The following PRKN variants were observed in gnomAD, a reference collection of about 807,000 sequenced individuals.
PRKN encodes parkin RBR E3 ubiquitin protein ligase, also known as E3 ubiquitin-protein ligase parkin.
Under a neutral mutation model 59.5 loss-of-function variants are expected in PRKN, and 56 were observed. The observed-to-expected ratio is 0.94, with a 90% confidence interval of 0.76 to 1.18. The LOEUF is 1.18. Among genes scored for constraint, PRKN ranks in the 50% most tolerant of loss-of-function variants. The pLI is 0.00. For missense variants in PRKN, 657 were observed against 596.4 expected (o/e 1.10, Z -1.06); for synonymous variants, 250 against 222.1 (o/e 1.13, Z -1.12).
chr6:161,669,891 G>A (rs1784848902), intron 7 of PRKN, among the ~76,000 whole-genome samples: 1 of 152,216 alleles, frequency 6.6e-6, no homozygotes, highest in Admixed American at 6.5e-5. Flanking sequence ...GGGGTCACGT[G>A]AGCCCAGCCT....
chr6:162,702,773 G>A (rs1396172157), intron 1 of PRKN, among the ~76,000 whole-genome samples: 2 of 152,084 alleles, frequency 1.3e-5, no homozygotes, highest in Non-Finnish European at 2.9e-5. Flanking sequence ...AGCACTTTTT[G>A]AAATGACAAG....
intron 4 of PRKN, among the ~76,000 whole-genome samples, chr6:162,112,594 C>T (rs1431807904): frequency 6.6e-6 from 1 of 152,030 alleles, no homozygotes; most frequent in African/African-American, 2.4e-5. Flanking sequence ...ACTTTGAAGA[C>T]AGTAATTAGG....
rs1297487590 is a variant in PRKN, at chr6:161,352,315, G to C, written c.1286-2104C>G. On this transcript the variant is annotated intron_variant, in intron 11 of 11. Coordinates refer to ENST00000366898, the MANE Select transcript of PRKN (RefSeq NM_004562.3). This position sits in a 1 kb window ranked among gnomAD's most constrained non-coding sequence, Gnocchi z 5.8. ...TTGTTTTAAGATAACTTGCCGACATGCAAAATCTCCTGTTTTCCTAATCCT... is the reference window on the plus strand; with the variant it reads ...TTGTTTTAAGATAACTTGCCGACATCCAAAATCTCCTGTTTTCCTAATCCT... Among the ~76,000 whole-genome samples, 1 of 152,098 alleles carries C rather than the reference G, an allele frequency of 6.6e-6. No individual in the cohort carries two copies. The highest frequency in any genetic ancestry group is 1.5e-5 in the Non-Finnish European group (1 of 68,024).
intron 6 of PRKN, among the ~76,000 whole-genome samples, chr6:161,909,887 A>C (rs4333390): frequency 0.39 from 58,738 of 152,028 alleles, 11,764 homozygotes; most frequent in Middle Eastern, 0.52. Flanking sequence ...GCAATAGTGC[A>C]ATAGTGAAAT....
At chr6:161,888,832 C>T (rs1368000007) in intron 6 of PRKN, among the ~76,000 whole-genome samples, 4 of 152,086 alleles carry the variant, frequency 2.6e-5, no homozygotes, top group Non-Finnish European at 5.9e-5. Flanking sequence ...TCCTTAGCTC[C>T]CTCCTTGCCC....
chr6:162,126,851 G>A (rs1781147174), intron 4 of PRKN, among the ~76,000 whole-genome samples: 1 of 152,140 alleles, frequency 6.6e-6, no homozygotes, highest in South Asian at 2.1e-4. Flanking sequence ...TAGGAAGTAT[G>A]AGCATTCCCT....
chr6:161,937,005 T>C (rs112520940), intron 6 of PRKN, among the ~76,000 whole-genome samples: 1,922 of 152,114 alleles, frequency 0.013, 45 homozygotes, highest in African/African-American at 0.042. Context: ...AGGTTGGTCA[T>C]GAACTCCTGA....
intron 4 of PRKN, among the ~76,000 whole-genome samples, chr6:162,105,410 C>G (rs1370665966): frequency 6.6e-6 from 1 of 152,032 alleles, no homozygotes; most frequent in Non-Finnish European, 1.5e-5. Flanking sequence ...ATAAAATATT[C>G]ATTTTTTAAA....
intron 1 of PRKN, among the ~76,000 whole-genome samples, chr6:162,574,447 C>T (rs9456796): frequency 0.53 from 80,562 of 151,896 alleles, 21,663 homozygotes; most frequent in East Asian, 0.71. Context: ...CTTAAGCCAA[C>T]CATCTTTTTA....
chr6:161,945,714 C>A (rs955905849), intron 6 of PRKN, among the ~76,000 whole-genome samples: 1 of 152,170 alleles, frequency 6.6e-6, no homozygotes, highest in South Asian at 2.1e-4. Flanking sequence ...CTCTCTACCC[C>A]CTACCTTTCA....
At chr6:161,840,077 T>G (rs1327720522) in intron 6 of PRKN, among the ~76,000 whole-genome samples, 1 of 152,236 alleles carries the variant, frequency 6.6e-6, no homozygotes, top group Non-Finnish European at 1.5e-5. Flanking sequence ...TCTCTCTTCT[T>G]CTGCTGAGGA....
chr6:161,500,961 C>T (rs1202631594), intron 9 of PRKN, among the ~76,000 whole-genome samples: 4 of 150,794 alleles, frequency 2.7e-5, no homozygotes, highest in East Asian at 1.9e-4. Flanking sequence ...CTGCAACCTC[C>T]GCCTCCTGGG....
chr6:161,755,303 T>G (rs544312309), intron 7 of PRKN, among the ~76,000 whole-genome samples: 1 of 151,686 alleles, frequency 6.6e-6, no homozygotes, highest in South Asian at 2.1e-4. Flanking sequence ...TGCACCCACG[T>G]GACAGTGGGA....
intron 9 of PRKN, among the ~76,000 whole-genome samples, chr6:161,520,497 G>A (rs1778781386): frequency 6.6e-6 from 1 of 151,870 alleles, no homozygotes; most frequent in African/African-American, 2.4e-5. Context: ...CAAAGTGCTG[G>A]GATTACAGGA....
chr6:162,311,521 C>G (rs2128118161), intron 2 of PRKN, among the ~76,000 whole-genome samples: 1 of 130,116 alleles, frequency 7.7e-6, no homozygotes, highest in Non-Finnish European at 1.5e-5. Flanking sequence ...CTCGCTCTGT[C>G]GCCCAGGCAG....
chr6:161,929,718 T>C (rs1779102154), intron 6 of PRKN, among the ~76,000 whole-genome samples: 1 of 151,980 alleles, frequency 6.6e-6, no homozygotes, highest in Non-Finnish European at 1.5e-5. Flanking sequence ...GGTTTTGCCA[T>C]GTTGGCCAGG....
intron 1 of PRKN, among the ~76,000 whole-genome samples, chr6:162,656,291 A>C (rs1778637020): frequency 6.6e-6 from 1 of 152,220 alleles, no homozygotes; most frequent in Non-Finnish European, 1.5e-5. Context: ...GTTGATCATC[A>C]AAGATTCTAC....
At chr6:161,758,494 A>G (rs756423747) in intron 7 of PRKN, among the ~76,000 whole-genome samples, 4 of 152,232 alleles carry the variant, frequency 2.6e-5, no homozygotes, top group Non-Finnish European at 4.4e-5. Context: ...ACTCTACGGT[A>G]GCATTTATAT....
At position 161,474,443 on chromosome 6, in the gene PRKN, G is replaced by A. The variant is rs571124489; in HGVS notation, c.1083+74411C>T. ...TATTTAATATCACTAATCCCTACCTGAAGTTTGGTGTTTCCTTCAGTTATA... is the reference window on the plus strand; with the variant it reads ...TATTTAATATCACTAATCCCTACCTAAAGTTTGGTGTTTCCTTCAGTTATA... On this transcript the variant is annotated intron_variant, in intron 9 of 11. Transcript: ENST00000366898. 2.0e-5 allele frequency among the ~76,000 whole-genome samples: 3 copies of A among 152,296 alleles called. No individual in the cohort carries two copies. The South Asian group carries it at 6.2e-4, about 32-fold the overall frequency.
Sources: allele counts gnomAD v4.1 joint callset (sites outside exome capture counted in the v4.1 genomes callset), GRCh38; gene constraint gnomAD v4.1.1; non-coding constraint Gnocchi (gnomAD v3.1); transcripts MANE v1.5; gene names NCBI Gene and HGNC (gene_info 2026-07-23, HGNC 2026-07-21).